The following ADAMTS17 variants were observed in gnomAD, a reference collection of about 807,000 sequenced individuals.
The protein encoded by ADAMTS17 is ADAM metallopeptidase with thrombospondin type 1 motif 17.
Under a neutral mutation model 141.5 loss-of-function variants are expected in ADAMTS17, and 113 were observed. The ratio of observed to expected loss-of-function variants is 0.80; its 90% CI spans 0.69 to 0.93. The LOEUF is 0.93. Among genes scored for constraint, ADAMTS17 ranks in the 40% least tolerant of loss-of-function variants. The pLI, the probability that ADAMTS17 is intolerant of heterozygous loss-of-function variation, is 0.00. For synonymous variants in ADAMTS17, 768 were observed against 630.6 expected (o/e 1.22, Z -3.27); for missense variants, 1,659 against 1,517.9 (o/e 1.09, Z -1.54).
intron 12 of ADAMTS17, among the ~76,000 whole-genome samples, chr15:100,130,735 G>A (rs2037994121): frequency 1.3e-5 from 2 of 152,152 alleles, no homozygotes; most frequent in African/African-American, 4.8e-5. Flanking sequence ...TTTCTTTATA[G>A]TCACTATTTA....
At chr15:99,980,699 T>G (rs775164296) in intron 20 of ADAMTS17, 26 of 152,374 alleles carry the variant, frequency 1.7e-4, no homozygotes, top group Admixed American at 3.3e-4. Context: ...CTGCGAGTGT[T>G]GCTGATATGT....
At position 100,261,835 on chromosome 15, in the gene ADAMTS17, G is replaced by A. The variant is rs6598318; in HGVS notation, c.874-199C>T. On this transcript the variant is annotated intron_variant, in intron 5 of 21. Transcript: ENST00000268070. The stretch of plus-strand genomic sequence containing the variant: ...GAGACCATCAGGGGCCTTACATATA[G>A]GTGCAAGTGAAGACTATGCTGTTTT... 0.59 allele frequency among the ~76,000 whole-genome samples: 89,397 copies of A among 151,642 alleles called. 27,368 individuals carry two copies. The highest frequency in any genetic ancestry group is 0.7 in the South Asian group (3,363 of 4,814).
Position 100,024,030 on chromosome 15 carries a change from G to C in ADAMTS17, c.2591+24827C>G, listed in dbSNP as rs34726219. Among the ~76,000 whole-genome samples the C allele has an allele frequency of 2.6e-3, 399 of 152,298 alleles. 3 individuals are homozygous for C. Among genetic ancestry groups the C allele is most frequent in the Non-Finnish European group, 4.3e-3 (293 of 68,024 alleles). On this transcript the variant is annotated intron_variant, in intron 18 of 21. Coordinates refer to ENST00000268070, the MANE Select transcript of ADAMTS17 (RefSeq NM_139057.4). The stretch of plus-strand genomic sequence containing the variant: ...GTCATACCACAAATCTTTGTATACT[G>C]TGCATCGCTATTGATAGCGAAGCAA...
chr15:100,061,518 T>C (rs2033123165), intron 15 of ADAMTS17, among the ~76,000 whole-genome samples: 1 of 152,204 alleles, frequency 6.6e-6, no homozygotes, highest in Admixed American at 6.5e-5. Context: ...ACCTGCTAGT[T>C]AGCACCTGTT....
At chr15:100,022,966 G>A (rs926878041) in intron 18 of ADAMTS17, among the ~76,000 whole-genome samples, 13 of 145,606 alleles carry the variant, frequency 8.9e-5, no homozygotes, top group African/African-American at 2.2e-4. Flanking sequence ...TGTTTTCACC[G>A]GAGCACTGCT....
chr15:100,117,136 C>A (rs535701691), intron 12 of ADAMTS17, 123 bp from the exon 13 acceptor site: 10 of 1,148,726 alleles, frequency 8.7e-6, no homozygotes, highest in South Asian at 8.0e-5. Flanking sequence ...CAAAGCCACC[C>A]CCTCTCTGCT....
intron 8 of ADAMTS17, among the ~76,000 whole-genome samples, chr15:100,164,472 G>C (rs2039866963): frequency 6.6e-6 from 1 of 152,190 alleles, no homozygotes; most frequent in Non-Finnish European, 1.5e-5. Context: ...AGAATACAGA[G>C]TTTACATTCT....
chr15:99,972,697 G>C lies in ADAMTS17; in HGVS notation c.*1705C>G, dbSNP rs949622595. ...TCGGTTCTTTCCACAGAGCACCCAC[G>C]GAAGTTTCTCAACACTTCTCGTTGA... On this transcript the variant is annotated 3_prime_UTR_variant, in exon 22 of 22. Transcript: ENST00000268070. The C allele has an allele frequency of 3.3e-5, 5 of 152,122 alleles. No individual in the cohort carries two copies. Among genetic ancestry groups the C allele is most frequent in the African/African-American group, 9.7e-5 (4 of 41,408 alleles). 9.4% of individuals were successfully genotyped at this position (152,122 alleles called of 1,614,324 possible).
At chr15:100,014,284 G>T (rs374188609) in intron 18 of ADAMTS17, among the ~76,000 whole-genome samples, 1 of 151,632 alleles carries the variant, frequency 6.6e-6, no homozygotes, top group Admixed American at 6.6e-5. Flanking sequence ...TTCTTTTCTT[G>T]GTTACTCTTG....
chr15:100,011,386 A>AGGAGGGATGGGAG (rs2061177010), intron 18 of ADAMTS17, among the ~76,000 whole-genome samples: 1 of 102,600 alleles, frequency 9.7e-6, no homozygotes, highest in Non-Finnish European at 2.1e-5. Context: ...CAGTAAGGAC[A>AGGAGGGATGGGAG]GAAGGGAGGG....
At chr15:100,015,276 T>C (rs967810387) in intron 18 of ADAMTS17, among the ~76,000 whole-genome samples, 2 of 152,204 alleles carry the variant, frequency 1.3e-5, no homozygotes, top group Non-Finnish European at 2.9e-5. Context: ...AGATGGTTGG[T>C]TGGTGAGTTC....
intron 18 of ADAMTS17, among the ~76,000 whole-genome samples, chr15:100,042,751 C>T (rs996183275): frequency 1.3e-5 from 2 of 152,160 alleles, no homozygotes; most frequent in South Asian, 4.1e-4. Flanking sequence ...TGATTCACGT[C>T]CTGGGCAGGA....
chr15:100,209,753 G>A (rs1029938267), intron 7 of ADAMTS17, among the ~76,000 whole-genome samples: 28 of 152,166 alleles, frequency 1.8e-4, no homozygotes, highest in African/African-American at 4.3e-4. Flanking sequence ...CATCGCCAGC[G>A]TGGCAGAAAG....
At chr15:100,021,156 G>T (rs1234023788) in intron 18 of ADAMTS17, among the ~76,000 whole-genome samples, 1 of 152,182 alleles carries the variant, frequency 6.6e-6, no homozygotes, top group African/African-American at 2.4e-5. Flanking sequence ...CCACCTGGGA[G>T]GCTTCAGGCC....
At chr15:100,249,067 G>A (rs2043072296) in intron 7 of ADAMTS17, among the ~76,000 whole-genome samples, 5 of 152,158 alleles carry the variant, frequency 3.3e-5, no homozygotes, top group Admixed American at 2.6e-4. Flanking sequence ...CCAAAGTGAT[G>A]GGATTACAGG....
intron 2 of ADAMTS17, among the ~76,000 whole-genome samples, chr15:100,338,812 A>G (rs1451722668): frequency 6.6e-6 from 1 of 152,100 alleles, no homozygotes; most frequent in Non-Finnish European, 1.5e-5. Flanking sequence ...CACAGTCAAG[A>G]GGGACTAACA....
Position 99,997,287 on chromosome 15 carries a change from G to T in ADAMTS17, c.2796+98C>A. 1 of 1,363,552 alleles carries T rather than the reference G, an allele frequency of 7.3e-7. No homozygotes were observed. Among genetic ancestry groups the T allele is most frequent in the Non-Finnish European group, 1.0e-6 (1 of 960,560 alleles). The allele number at this position is 1,363,552 out of a possible 1,614,324, so 84.5% of individuals were successfully genotyped here. ...TAACACAACTTCAAGCTGACCTGGG[G>T]GCGAGCGAGGGCTGGGAGGCACCAG... On this transcript the variant is annotated intron_variant, in intron 19 of 21. Transcript: ENST00000268070. This position sits in a 1 kb window ranked among gnomAD's most constrained non-coding sequence, Gnocchi z 4.7.
intron 12 of ADAMTS17, chr15:100,128,838 T>C (rs1013982245): frequency 2.0e-5 from 3 of 152,272 alleles, no homozygotes; most frequent in East Asian, 1.9e-4. Flanking sequence ...AGAGCAACCA[T>C]GGGTGGGCAG....
At position 100,163,413 on chromosome 15, in the gene ADAMTS17, G is replaced by A. The variant is rs559631398; in HGVS notation, c.1182-8093C>T. 1.3e-5 allele frequency among the ~76,000 whole-genome samples: 2 copies of A among 151,576 alleles called. 1 individual carries two copies. Among genetic ancestry groups the A allele is most frequent in the South Asian group, 4.2e-4 (2 of 4,816 alleles). ...CCACCCCATGCTGAGGGTGACTCTG[G>A]TGCTTCATGATCCACATTTTTTTTT... is the stretch of plus-strand genomic sequence containing the variant. On this transcript the variant is annotated intron_variant, in intron 8 of 21. Coordinates refer to ENST00000268070, the MANE Select transcript of ADAMTS17 (RefSeq NM_139057.4).
Sources: allele counts gnomAD v4.1 joint callset (sites outside exome capture counted in the v4.1 genomes callset), GRCh38; gene constraint gnomAD v4.1.1; non-coding constraint Gnocchi (gnomAD v3.1); transcripts MANE v1.5; gene names NCBI Gene and HGNC (gene_info 2026-07-23, HGNC 2026-07-21).